Variants in THSD7A observed in about 807,000 individuals in gnomAD.
THSD7A encodes the protein thrombospondin type 1 domain containing 7A.
A neutral mutation model predicts 231.3 loss-of-function variants in THSD7A; 96 were observed. That is an observed-to-expected ratio of 0.41 (90% confidence interval 0.35 to 0.49). The LOEUF is 0.49. Among genes scored for constraint, THSD7A ranks in the 20% least tolerant of loss-of-function variants. The pLI, the probability that THSD7A is intolerant of heterozygous loss-of-function variation, is 0.05. For synonymous variants in THSD7A, 940 were observed against 743.3 expected (o/e 1.26, Z -4.30); for missense variants, 2,290 against 2,070.2 (o/e 1.11, Z -2.06).
chr7:11,767,137 A>G (rs1234565691), intron 1 of THSD7A, among the ~76,000 whole-genome samples: 2 of 152,300 alleles, frequency 1.3e-5, no homozygotes, highest in Admixed American at 6.5e-5. Flanking sequence ...TCAATAGTTC[A>G]TGAACATAAG....
chr7:11,389,188 G>C (rs934454511), intron 23 of THSD7A, among the ~76,000 whole-genome samples: 5 of 152,088 alleles, frequency 3.3e-5, no homozygotes, highest in African/African-American at 1.2e-4. Context: ...ATGTTGATCA[G>C]TCTATTATTG....
At chr7:11,605,649 A>C (rs1015277717) in intron 2 of THSD7A, among the ~76,000 whole-genome samples, 7 of 152,196 alleles carry the variant, frequency 4.6e-5, no homozygotes, top group African/African-American at 1.4e-4. Flanking sequence ...ATGTAGCCCT[A>C]CTTGTAACAG....
At chr7:11,796,433 G>A (rs1281946461) in intron 1 of THSD7A, among the ~76,000 whole-genome samples, 1 of 151,466 alleles carries the variant, frequency 6.6e-6, no homozygotes, top group East Asian at 1.9e-4. Context: ...GAAATCCATT[G>A]CTATTGTAAT....
intron 1 of THSD7A, among the ~76,000 whole-genome samples, chr7:11,642,775 A>G (rs1339742108): frequency 2.6e-5 from 4 of 152,152 alleles, no homozygotes; most frequent in African/African-American, 9.7e-5. Flanking sequence ...CTTTAACAAA[A>G]TGTTGATAAA....
rs1187330131 is a variant in THSD7A at position 11,446,049 on chromosome 7, A to G, written c.3064+12T>C. 6.2e-7 allele frequency: 1 copy of G among 1,612,872 alleles called. No individual in the cohort carries two copies. The highest frequency in any genetic ancestry group is 1.1e-5 in the South Asian group (1 of 91,066). The stretch of plus-strand genomic sequence containing the variant: ...GAAGATAGCAAATATGTAACAATGA[A>G]GATTGAATTACCATGGCTGTTACAT... On this transcript the variant is annotated intron_variant, in intron 13 of 27. Transcript: ENST00000423059. This position sits in a 1 kb window ranked among gnomAD's most constrained non-coding sequence, Gnocchi z 4.0.
Position 11,636,124 on chromosome 7 carries a change from T to A in THSD7A, c.1022+6A>T. ...CCTGTGTAGTTAACAGTAATTAAAA[T>A]GTTACCTTAAATCAGCAGCTTTCCC... On this transcript the variant is annotated splice_donor_region_variant and intron_variant, in intron 2 of 27. Transcript: ENST00000423059. The surrounding 1 kb of genome is among the most constrained non-coding windows in gnomAD (Gnocchi z 10.0). 1 of 1,604,292 alleles carries A rather than the reference T, an allele frequency of 6.2e-7. No individual in the cohort carries two copies. The highest frequency in any genetic ancestry group is 8.5e-7 in the Non-Finnish European group (1 of 1,174,990).
chr7:11,776,625 G>C (rs897612012), intron 1 of THSD7A, among the ~76,000 whole-genome samples: 1 of 152,080 alleles, frequency 6.6e-6, no homozygotes, highest in Non-Finnish European at 1.5e-5. Flanking sequence ...TATAAAACTT[G>C]AATTTTGTCA....
chr7:11,667,217 C>T (rs1783173412), intron 1 of THSD7A, among the ~76,000 whole-genome samples: 1 of 152,040 alleles, frequency 6.6e-6, no homozygotes, highest in Non-Finnish European at 1.5e-5. Context: ...ACCCAAGCTT[C>T]CCCCAGAGTC....
chr7:11,672,326 G>C (rs1261252336), intron 1 of THSD7A, among the ~76,000 whole-genome samples: 3 of 151,422 alleles, frequency 2.0e-5, no homozygotes, highest in African/African-American at 7.3e-5. Flanking sequence ...TGCTATCAGA[G>C]AATAGTTTGT....
intron 1 of THSD7A, among the ~76,000 whole-genome samples, chr7:11,705,966 AAAT>A (rs1391035436): frequency 6.6e-6 from 1 of 150,976 alleles, no homozygotes; most frequent in African/African-American, 2.4e-5. Flanking sequence ...ATATAATTAT[AAAT>A]AATAGCATTT....
At chr7:11,441,115 C>T (rs1221619451) in intron 13 of THSD7A, among the ~76,000 whole-genome samples, 8 of 152,006 alleles carry the variant, frequency 5.3e-5, no homozygotes, top group African/African-American at 1.9e-4. Context: ...TCCATTTATT[C>T]TACAAATTTT....
chr7:11,653,958 A>G (rs997540795), intron 1 of THSD7A, among the ~76,000 whole-genome samples: 1 of 151,914 alleles, frequency 6.6e-6, no homozygotes, highest in Non-Finnish European at 1.5e-5. Context: ...AATATTCACA[A>G]ATATATAATA....
At chr7:11,423,123 A>G (rs1367009783) in intron 16 of THSD7A, among the ~76,000 whole-genome samples, 4 of 152,110 alleles carry the variant, frequency 2.6e-5, no homozygotes, top group Non-Finnish European at 4.4e-5. Context: ...CAGTCCACCT[A>G]TATTAAGGTC....
At chr7:11,695,715 G>A (rs550027466) in intron 1 of THSD7A, among the ~76,000 whole-genome samples, 2 of 151,514 alleles carry the variant, frequency 1.3e-5, no homozygotes, top group Non-Finnish European at 3.0e-5. Context: ...GGACATTGTG[G>A]TAAGTGATAC....
At chr7:11,811,584 G>T (rs1206261487) in intron 1 of THSD7A, among the ~76,000 whole-genome samples, 1 of 152,094 alleles carries the variant, frequency 6.6e-6, no homozygotes, top group Non-Finnish European at 1.5e-5. Context: ...CTTCAGAAAA[G>T]TCATTTTTAA....
intron 2 of THSD7A, among the ~76,000 whole-genome samples, chr7:11,605,605 T>C (rs1219348263): frequency 1.3e-5 from 2 of 152,130 alleles, no homozygotes; most frequent in Non-Finnish European, 2.9e-5. Flanking sequence ...TCAAAAAATA[T>C]AAGCCAGCTA....
At chr7:11,544,480 C>A (rs999987549) in intron 4 of THSD7A, among the ~76,000 whole-genome samples, 1 of 152,170 alleles carries the variant, frequency 6.6e-6, no homozygotes, top group South Asian at 2.1e-4. Flanking sequence ...ATTTCTCATT[C>A]TCCTGTGTGA....
intron 1 of THSD7A, among the ~76,000 whole-genome samples, chr7:11,810,907 A>G (rs1303502753): frequency 2.6e-5 from 4 of 152,172 alleles, no homozygotes; most frequent in African/African-American, 9.6e-5. Context: ...AATTAGGAAG[A>G]CTAAAGACTC....
intron 25 of THSD7A, 137 bp downstream of exon 25, chr7:11,379,493 T>C (rs1782423116): frequency 1.1e-6 from 1 of 914,170 alleles, no homozygotes; most frequent in South Asian, 1.7e-5. Context: ...ACTTTTTAGA[T>C]TGATAAAAGG....
Sources: gnomAD v4.1 joint callset for allele counts (sites outside exome capture counted in the v4.1 genomes callset) on GRCh38, gnomAD v4.1.1 for gene constraint, Gnocchi (gnomAD v3.1) non-coding constraint, MANE v1.5 for transcripts, NCBI Gene and HGNC (gene_info 2026-07-23, HGNC 2026-07-21) for gene names.